The following BBS9 variants were observed in gnomAD, a reference collection of about 807,000 sequenced individuals.
BBS9 encodes the protein Bardet-Biedl syndrome 9, also known as protein PTHB1.
In BBS9, 89 loss-of-function variants were observed where a neutral mutation model predicts 117.7. That is an observed-to-expected ratio of 0.76 (90% confidence interval 0.64 to 0.90). The LOEUF is 0.90. BBS9 is among the 40% of genes least tolerant of loss of function. BBS9 has a pLI of 0.00. For missense variants in BBS9, 982 were observed against 1,042.2 expected (o/e 0.94, Z 0.80); for synonymous variants, 379 against 370.9 (o/e 1.02, Z -0.25).
chr7:33,534,952 G>C (rs1025714517), intron 21 of BBS9, among the ~76,000 whole-genome samples: 1 of 152,090 alleles, frequency 6.6e-6, no homozygotes, highest in African/African-American at 2.4e-5. Flanking sequence ...GAAGTGGTGT[G>C]GTTTTCTCTT....
chr7:33,383,036 T>C (rs929703545), intron 17 of BBS9, among the ~76,000 whole-genome samples: 10 of 152,170 alleles, frequency 6.6e-5, no homozygotes, highest in Non-Finnish European at 1.5e-5. Context: ...CTTACCATCA[T>C]TGTCACCATT....
chr7:33,441,392 C>T lies in BBS9; in HGVS notation c.2115+53248C>T, dbSNP rs114520060. Reference sequence around the variant, plus strand: ...GAGCAGGATGCAAACTGAGGCGAGACGCTAGATTGATTTGCAAAAAATATT... The same window carrying T: ...GAGCAGGATGCAAACTGAGGCGAGATGCTAGATTGATTTGCAAAAAATATT... On this transcript the variant is annotated intron_variant, in intron 19 of 22. Transcript: ENST00000242067. Among the ~76,000 whole-genome samples, 26 of 152,236 alleles carry T rather than the reference C, an allele frequency of 1.7e-4. 1 individual carries two copies. Among genetic ancestry groups the T allele is most frequent in the African/African-American group, 5.3e-4 (22 of 41,560 alleles).
intron 17 of BBS9, among the ~76,000 whole-genome samples, chr7:33,382,271 C>T (rs1825188403): frequency 6.6e-6 from 1 of 151,986 alleles, no homozygotes; most frequent in African/African-American, 2.4e-5. Flanking sequence ...ACCAGCCTGA[C>T]CAACATGGTG....
chr7:33,376,953 T>C (rs557654016), intron 17 of BBS9, among the ~76,000 whole-genome samples: 1 of 152,256 alleles, frequency 6.6e-6, no homozygotes, highest in South Asian at 2.1e-4. Flanking sequence ...TTAGACCTTT[T>C]TCCAGTGCAT....
intron 9 of BBS9, among the ~76,000 whole-genome samples, chr7:33,316,612 T>C (rs1426882582): frequency 6.6e-6 from 1 of 152,208 alleles, no homozygotes; most frequent in Non-Finnish European, 1.5e-5. Flanking sequence ...TGCTAGCTAC[T>C]TGTGATTTTA....
chr7:33,422,915 T>G (rs1447828190), intron 19 of BBS9, among the ~76,000 whole-genome samples: 1 of 152,002 alleles, frequency 6.6e-6, no homozygotes, highest in Non-Finnish European at 1.5e-5. Flanking sequence ...CTGGCCTTAG[T>G]TTATATATGA....
chr7:33,222,834 TC>T (rs1790512599), intron 5 of BBS9, among the ~76,000 whole-genome samples: 1 of 151,476 alleles, frequency 6.6e-6, no homozygotes, highest in South Asian at 2.1e-4. Flanking sequence ...ATGCCTGTGG[TC>T]CCAGCTACTC....
intron 21 of BBS9, among the ~76,000 whole-genome samples, chr7:33,616,908 A>G (rs1157353688): frequency 2.6e-5 from 4 of 151,812 alleles, no homozygotes; most frequent in African/African-American, 7.3e-5. Flanking sequence ...TCCACTTGCT[A>G]TGTCCATGTG....
intron 5 of BBS9, among the ~76,000 whole-genome samples, chr7:33,224,587 CTTCT>C (rs1790888357): frequency 6.6e-6 from 1 of 151,594 alleles, no homozygotes; most frequent in African/African-American, 2.4e-5. Context: ...CTCTTTTTTC[CTTCT>C]GTCTTCTCCC....
At chr7:33,314,032 TG>T (rs1304122779) in intron 9 of BBS9, among the ~76,000 whole-genome samples, 1 of 152,166 alleles carries the variant, frequency 6.6e-6, no homozygotes, top group Non-Finnish European at 1.5e-5. Flanking sequence ...AAGATGGTTA[TG>T]TAAGAAAGGA....
At chr7:33,532,531 G>C (rs1021188627) in intron 20 of BBS9, among the ~76,000 whole-genome samples, 1 of 152,070 alleles carries the variant, frequency 6.6e-6, no homozygotes, top group African/African-American at 2.4e-5. Flanking sequence ...GTGCCAGCAG[G>C]GGAGATGCCA....
intron 4 of BBS9, among the ~76,000 whole-genome samples, chr7:33,163,725 T>C (rs1795228309): frequency 6.6e-6 from 1 of 152,214 alleles, no homozygotes; most frequent in Non-Finnish European, 1.5e-5. Flanking sequence ...CTCTGTTTTC[T>C]TCTCTATTAG....
chr7:33,527,121 G>T (rs528322572), intron 20 of BBS9, among the ~76,000 whole-genome samples: 96 of 152,082 alleles, frequency 6.3e-4, no homozygotes, highest in African/African-American at 2.2e-3. Flanking sequence ...ATCTCCAGCT[G>T]CGTACTGGGA....
chr7:33,357,583 C>A, intron 15 of BBS9: 1 of 472,200 alleles, frequency 2.1e-6, no homozygotes, highest in South Asian at 2.1e-5. Flanking sequence ...ATATAGTATC[C>A]AAATGTGATG....
At chr7:33,218,154 C>T (rs1702314666) in intron 5 of BBS9, among the ~76,000 whole-genome samples, 1 of 152,070 alleles carries the variant, frequency 6.6e-6, no homozygotes, top group Admixed American at 6.5e-5. Context: ...TGACATTTTT[C>T]CTTTTACAAG....
At chr7:33,305,251 A>G (rs1807641863) in intron 9 of BBS9, among the ~76,000 whole-genome samples, 1 of 152,118 alleles carries the variant, frequency 6.6e-6, no homozygotes, top group African/African-American at 2.4e-5. Flanking sequence ...CCTAGGATAA[A>G]TCCCACTTGG....
downstream of BBS9, among the ~76,000 whole-genome samples, chr7:33,610,531 A>AG (rs1349288214): frequency 6.6e-6 from 1 of 152,034 alleles, no homozygotes; most frequent in Non-Finnish European, 1.5e-5. Context: ...AAGAGGGAGT[A>AG]GGGGGCAAAA....
chr7:33,472,720 C>T (rs1046303224), intron 19 of BBS9, among the ~76,000 whole-genome samples: 1 of 152,200 alleles, frequency 6.6e-6, no homozygotes, highest in Admixed American at 6.5e-5. Flanking sequence ...GGCCAAATGG[C>T]TTCTTTTTAT....
At position 33,273,941 on chromosome 7, in the gene BBS9, G is replaced by T; in HGVS notation, c.1001G>T (p.Arg334Ile). 1 of 1,613,754 alleles carries T rather than the reference G, an allele frequency of 6.2e-7. No homozygotes were observed. The highest frequency in any genetic ancestry group is 8.5e-7 in the Non-Finnish European group (1 of 1,179,796). ...CTTCCCCACATTCCTGTAGCAGTAA[G>T]AGTGGGCTGTTTGCAGTAAGTGATT... ...TQLPHIPVAV[R>I]VGCLHDLKGV... is the part of the protein sequence containing the mutation. Residue 334 changes from arginine (R) to isoleucine (I), a missense_variant, in exon 9 of 23, where the codon AGA becomes ATA. Arg to Ile is a moderately conservative substitution (Grantham distance 97). Coordinates refer to ENST00000242067, the MANE Select transcript of BBS9 (RefSeq NM_198428.3).
Sources: gnomAD v4.1 joint callset for allele counts (sites outside exome capture counted in the v4.1 genomes callset) on GRCh38, gnomAD v4.1.1 for gene constraint, MANE v1.5 for transcripts, NCBI Gene and HGNC (gene_info 2026-07-23, HGNC 2026-07-21) for gene names.